SH3RF1: variants seen among roughly 807,000 people sequenced by gnomAD.
The protein encoded by SH3RF1 is E3 ubiquitin-protein ligase SH3RF1.
Under a neutral mutation model 74.0 loss-of-function variants are expected in SH3RF1, and 32 were observed. The ratio of observed to expected loss-of-function variants is 0.43; its 90% CI spans 0.33 to 0.58. The LOEUF is 0.58. Among genes scored for constraint, SH3RF1 ranks in the 20% least tolerant of loss-of-function variants. The pLI is 0.05. For missense variants in SH3RF1, 954 were observed against 1,130.9 expected (o/e 0.84, Z 2.24); for synonymous variants, 396 against 439.6 (o/e 0.90, Z 1.24).
intron 2 of SH3RF1, among the ~76,000 whole-genome samples, chr4:169,237,447 C>G (rs958639524): frequency 6.6e-6 from 1 of 152,184 alleles, no homozygotes; most frequent in African/African-American, 2.4e-5. Context: ...TCAAGACCAG[C>G]TTGGGCAATA....
At chr4:169,172,416 T>G (rs1379013058) in intron 2 of SH3RF1, among the ~76,000 whole-genome samples, 2 of 152,256 alleles carry the variant, frequency 1.3e-5, no homozygotes. Context: ...TCTTCCTTTA[T>G]CATGTAACAT....
intron 2 of SH3RF1, among the ~76,000 whole-genome samples, chr4:169,213,741 G>A (rs1688780584): frequency 6.6e-6 from 1 of 152,204 alleles, no homozygotes; most frequent in Non-Finnish European, 1.5e-5. Context: ...TGAATGTCCA[G>A]TTACTCCAGC....
At chr4:169,191,564 CA>C (rs1347562108) in intron 2 of SH3RF1, among the ~76,000 whole-genome samples, 1 of 151,902 alleles carries the variant, frequency 6.6e-6, no homozygotes, top group Non-Finnish European at 1.5e-5. Flanking sequence ...CATGTGGAAC[CA>C]AAAAAGAACC....
At chr4:169,265,913 T>A (rs1242766904) in intron 2 of SH3RF1, among the ~76,000 whole-genome samples, 3 of 152,244 alleles carry the variant, frequency 2.0e-5, no homozygotes, top group African/African-American at 7.2e-5. Flanking sequence ...AGGAACTACT[T>A]AAAAACCATG....
rs754722091 is a variant in SH3RF1 at position 169,116,303 on chromosome 4, T to C, written c.2105A>G (p.Asn702Ser). 1.9e-6 allele frequency: 3 copies of C among 1,613,476 alleles called. No homozygotes were observed. Among genetic ancestry groups the C allele is most frequent in the East Asian group, 2.2e-5 (1 of 44,872 alleles). Residue 702 changes from asparagine to serine, a missense_variant, in exon 10 of 12, where the codon AAC becomes AGC. Around this residue, in one of 3 missense-constraint regions of SH3RF1, gnomAD observed 854 missense variants for 962.5 expected, o/e 0.89. Transcript: ENST00000284637. ...SPDSASSACG[N>S]SSATKPDKDS... ...CTTGTCTGGTTTGGTTGCTGAACTG[T>C]TCCCACAAGCTGATGAAGCACTGTC...
At chr4:169,188,031 T>C (rs1019519703) in intron 2 of SH3RF1, among the ~76,000 whole-genome samples, 2 of 152,008 alleles carry the variant, frequency 1.3e-5, no homozygotes, top group Non-Finnish European at 2.9e-5. Context: ...AGCCTAGGAA[T>C]GCCAAGGACT....
At position 169,117,589 on chromosome 4, in the gene SH3RF1, C is replaced by T. The variant is rs796244003; in HGVS notation, c.1711G>A (p.Ala571Thr). The change falls in exon 9 of 12, where the codon GCT becomes ACT. Residue 571 changes from alanine to threonine, a missense_variant. Ala to Thr is a moderately conservative substitution (Grantham distance 58). Coordinates refer to ENST00000284637, the MANE Select transcript of SH3RF1 (RefSeq NM_020870.4). The part of the protein sequence containing the change: ...SAAHIQTSPQ[A>T]KVLLHMTGQM... ...CCCGTCATGTGCAACAAGACCTTAGCCTGAGGACTTGTCTGGATGTGAGCT... is the reference window on the plus strand; with the variant it reads ...CCCGTCATGTGCAACAAGACCTTAGTCTGAGGACTTGTCTGGATGTGAGCT... The T allele has an allele frequency of 1.9e-6, 3 of 1,614,236 alleles. No homozygotes were observed. In the African/African-American group the frequency reaches 4.0e-5, roughly 22 times the overall value.
chr4:169,150,724 G>A (rs1382852017), intron 4 of SH3RF1, among the ~76,000 whole-genome samples: 1 of 152,154 alleles, frequency 6.6e-6, no homozygotes, highest in East Asian at 1.9e-4. Context: ...GCCATTTTAT[G>A]TGAGGGACTT....
intron 2 of SH3RF1, among the ~76,000 whole-genome samples, chr4:169,239,548 G>T (rs190687054): frequency 9.9e-5 from 15 of 152,074 alleles, no homozygotes; most frequent in African/African-American, 3.6e-4. Flanking sequence ...AACTTCTGAA[G>T]AAATAAAAAG....
At chr4:169,155,430 T>C (rs753392390) in intron 4 of SH3RF1, 50 bp downstream of exon 4, 2 of 1,402,570 alleles carry the variant, frequency 1.4e-6, no homozygotes, top group Non-Finnish European at 2.0e-6. Context: ...TTAAGATTTA[T>C]TTAGTAAGCT....
intron 7 of SH3RF1, among the ~76,000 whole-genome samples, chr4:169,121,224 G>A (rs1165993316): frequency 2.6e-5 from 4 of 152,214 alleles, no homozygotes; most frequent in Non-Finnish European, 5.9e-5. Flanking sequence ...CAGTATGGAA[G>A]TTACTATCCC....
At chr4:169,247,853 A>C (rs1404856401) in intron 2 of SH3RF1, among the ~76,000 whole-genome samples, 1 of 138,726 alleles carries the variant, frequency 7.2e-6, no homozygotes, top group Non-Finnish European at 1.6e-5. Flanking sequence ...GACACTGCTC[A>C]AAAGAAGACA....
intron 2 of SH3RF1, among the ~76,000 whole-genome samples, chr4:169,209,665 C>T (rs986650543): frequency 1.3e-5 from 2 of 152,178 alleles, no homozygotes; most frequent in Admixed American, 6.5e-5. Flanking sequence ...CACACTGTGA[C>T]ATAAATATAC....
intron 2 of SH3RF1, among the ~76,000 whole-genome samples, chr4:169,162,708 T>C (rs1329764144): frequency 6.6e-6 from 1 of 152,222 alleles, no homozygotes; most frequent in Non-Finnish European, 1.5e-5. Flanking sequence ...TTTATTCTAC[T>C]ATCCCAGTGT....
At chr4:169,132,246 C>T (rs1733631527) in intron 5 of SH3RF1, among the ~76,000 whole-genome samples, 1 of 152,218 alleles carries the variant, frequency 6.6e-6, no homozygotes, top group East Asian at 1.9e-4. Flanking sequence ...CTATACATAT[C>T]TGAGAAAGAT....
chr4:169,220,064 C>T (rs938573789), intron 2 of SH3RF1: 1 of 152,028 alleles, frequency 6.6e-6, no homozygotes, highest in Admixed American at 6.6e-5. Flanking sequence ...CAAAGAAATA[C>T]CAAAATTGTT....
chr4:169,212,533 C>T (rs55722883), intron 2 of SH3RF1, among the ~76,000 whole-genome samples: 17,057 of 151,778 alleles, frequency 0.11, 988 homozygotes, highest in Middle Eastern at 0.16. Flanking sequence ...CATTTTTTTC[C>T]CTTTTAAAAA....
At chr4:169,169,899 A>G (rs904407240) in intron 2 of SH3RF1, among the ~76,000 whole-genome samples, 1 of 152,096 alleles carries the variant, frequency 6.6e-6, no homozygotes, top group Admixed American at 6.6e-5. Flanking sequence ...TACTTTGTAA[A>G]TATTCTGTGG....
intron 2 of SH3RF1, among the ~76,000 whole-genome samples, chr4:169,263,786 A>G (rs1179282882): frequency 1.3e-5 from 2 of 152,234 alleles, no homozygotes; most frequent in Non-Finnish European, 2.9e-5. Context: ...TTTGTCAGAG[A>G]TAAGAAAGTA....
Sources: gnomAD v4.1 joint callset for allele counts (sites outside exome capture counted in the v4.1 genomes callset) on GRCh38, gnomAD v4.1.1 for gene constraint, gnomAD v4.1.1 regional missense constraint, MANE v1.5 for transcripts, NCBI Gene and HGNC (gene_info 2026-07-23, HGNC 2026-07-21) for gene names.